The following NLGN1 variants were observed in gnomAD, a reference collection of about 807,000 sequenced individuals.
NLGN1 encodes neuroligin-1.
Under a neutral mutation model 65.5 loss-of-function variants are expected in NLGN1, and 12 were observed. The ratio of observed to expected loss-of-function variants is 0.18; its 90% CI spans 0.12 to 0.30. NLGN1 has a LOEUF of 0.30. NLGN1 is among the 10% of genes least tolerant of loss of function. The pLI is 1.00. For synonymous variants in NLGN1, 350 were observed against 359.5 expected (o/e 0.97, Z 0.30); for missense variants, 750 against 1,007.1 (o/e 0.74, Z 3.46).
chr3:173,851,183 A>C (rs1726857544), intron 4 of NLGN1, among the ~76,000 whole-genome samples: 1 of 152,192 alleles, frequency 6.6e-6, no homozygotes, highest in South Asian at 2.1e-4. Context: ...AGTTTGCACA[A>C]GCTGATTTTT....
At chr3:173,485,956 GT>G (rs1212388262) in intron 2 of NLGN1, among the ~76,000 whole-genome samples, 2 of 151,872 alleles carry the variant, frequency 1.3e-5, no homozygotes, top group Non-Finnish European at 2.9e-5. Context: ...TTTTTTGTTT[GT>G]TTTTTAACCT....
In NLGN1 at chr3:173,950,106, TTTTC is replaced by T. The variant is rs140657815; in HGVS notation, c.646+142278_646+142281del. ...ATAAAAAATTTGGTAAAATTATTGT[TTTTC>T]TTTATTATCTATAAATGCTTCAAAG... On this transcript the variant is annotated intron_variant, in intron 4 of 6. Coordinates refer to ENST00000457714, the Ensembl canonical transcript of NLGN1. 1.6e-4 allele frequency among the ~76,000 whole-genome samples: 24 copies of T among 152,318 alleles called. No individual in the cohort carries two copies. The East Asian group carries it at 4.6e-3, about 29-fold the overall frequency.
rs28660609 is a variant in NLGN1 at position 173,676,295 on chromosome 3, G to A, written c.493+71204G>A. Reference sequence around the variant, plus strand: ...TTAGCAGTCTGGCAGGCAGATCAACGGGACTGGAGGTCAACAGGGCCAGAT... The same window carrying A: ...TTAGCAGTCTGGCAGGCAGATCAACAGGACTGGAGGTCAACAGGGCCAGAT... On this transcript the variant is annotated intron_variant, in intron 3 of 6. Transcript: ENST00000457714. 4.5e-3 allele frequency among the ~76,000 whole-genome samples: 688 copies of A among 152,140 alleles called. 8 individuals are homozygous for A. The highest frequency in any genetic ancestry group is 0.016 in the African/African-American group (663 of 41,526).
intron 4 of NLGN1, among the ~76,000 whole-genome samples, chr3:174,266,046 A>ATT (rs57391307): frequency 0.012 from 1,752 of 145,432 alleles, 47 homozygotes; most frequent in African/African-American, 0.042. Flanking sequence ...ATATATATAT[A>ATT]TTTTTTTTTT....
chr3:174,257,446 T>C (rs1746004886), intron 4 of NLGN1, among the ~76,000 whole-genome samples: 1 of 152,094 alleles, frequency 6.6e-6, no homozygotes, highest in South Asian at 2.1e-4. Context: ...ATTATAAAGG[T>C]ACATGCACAC....
chr3:174,194,494 T>G lies in NLGN1; in HGVS notation c.647-80821T>G, dbSNP rs140983745. Among the ~76,000 whole-genome samples the G allele has an allele frequency of 1.9e-3, 291 of 151,968 alleles. 1 individual carries two copies. In the Middle Eastern group the frequency reaches 0.024, roughly 12 times the overall value. Reference sequence around the variant, plus strand: ...AAAAAAGAAACAATCTCCATCATTCTTTTGTGACATAATCCACCTATATAC... The same window carrying G: ...AAAAAAGAAACAATCTCCATCATTCGTTTGTGACATAATCCACCTATATAC... On this transcript the variant is annotated intron_variant, in intron 4 of 6. Coordinates refer to ENST00000457714, the Ensembl canonical transcript of NLGN1.
At chr3:174,288,346 AG>A (rs1047506177), downstream of NLGN1, among the ~76,000 whole-genome samples, 7 of 151,532 alleles carry the variant, frequency 4.6e-5, no homozygotes, top group African/African-American at 1.7e-4. Flanking sequence ...CATCTGATCC[AG>A]CCCCATAAGT....
At chr3:173,895,591 C>T (rs1203768758) in intron 4 of NLGN1, among the ~76,000 whole-genome samples, 1 of 152,116 alleles carries the variant, frequency 6.6e-6, no homozygotes, top group Non-Finnish European at 1.5e-5. Context: ...CCAGAAAGAC[C>T]AGAGACCAGT....
chr3:174,179,312 A>G (rs9878356), intron 4 of NLGN1, among the ~76,000 whole-genome samples: 19,753 of 152,148 alleles, frequency 0.13, 2,480 homozygotes, highest in African/African-American at 0.33. Flanking sequence ...AGAAATATTT[A>G]GAAATGTAAG....
chr3:173,558,648 A>T (rs1742129277), intron 2 of NLGN1, among the ~76,000 whole-genome samples: 1 of 152,054 alleles, frequency 6.6e-6, no homozygotes, highest in African/African-American at 2.4e-5. Flanking sequence ...CTCTTTTGAA[A>T]CAGAAAATCT....
At chr3:173,553,045 A>T (rs1741140631) in intron 2 of NLGN1, among the ~76,000 whole-genome samples, 1 of 152,182 alleles carries the variant, frequency 6.6e-6, no homozygotes, top group Non-Finnish European at 1.5e-5. Flanking sequence ...ATTCTCAGGT[A>T]ATTCAGTGCA....
chr3:173,747,200 TATATATATCTTTAAGTATATATATTTAA>T (rs1775562031), intron 3 of NLGN1, among the ~76,000 whole-genome samples: 1 of 138,434 alleles, frequency 7.2e-6, no homozygotes, highest in African/African-American at 2.8e-5. Context: ...ATATATATAA[TATATATATCTTTAAGTATATATATTTAA>T]ATATATATAT....
intron 4 of NLGN1, among the ~76,000 whole-genome samples, chr3:174,218,847 T>A (rs1738123229): frequency 1.3e-5 from 2 of 152,004 alleles, no homozygotes; most frequent in African/African-American, 2.4e-5. Context: ...AGTAGCCCAT[T>A]TTCTATTGTT....
At chr3:173,510,114 G>A (rs60405221) in intron 2 of NLGN1, among the ~76,000 whole-genome samples, 1,969 of 152,244 alleles carry the variant, frequency 0.013, 39 homozygotes, top group African/African-American at 0.045. Flanking sequence ...ATGTAAGGTG[G>A]ATTTAAATAT....
At chr3:173,999,199 C>A (rs1722827379) in intron 4 of NLGN1, among the ~76,000 whole-genome samples, 1 of 152,064 alleles carries the variant, frequency 6.6e-6, no homozygotes, top group African/African-American at 2.4e-5. Flanking sequence ...GAATAAAAGT[C>A]TCATCCATTT....
chr3:173,571,059 A>G (rs1260854778), intron 2 of NLGN1, among the ~76,000 whole-genome samples: 1 of 152,178 alleles, frequency 6.6e-6, no homozygotes, highest in Non-Finnish European at 1.5e-5. Context: ...GAAAGCCACA[A>G]GACTAAGTTA....
Position 174,116,342 on chromosome 3 carries a change from T to C in NLGN1, c.647-158973T>C, listed in dbSNP as rs1226823716. On this transcript the variant is annotated intron_variant, in intron 4 of 6. Transcript: ENST00000457714. ...TTTTCTGGGTTTTCTTTTTTTTTTT[T>C]TTTTTTTTTTTTTTTGAGACAGTCT... 5.8e-5 allele frequency among the ~76,000 whole-genome samples: 8 copies of C among 138,134 alleles called. 1 individual carries two copies. The East Asian group carries it at 1.2e-3, about 21-fold the overall frequency. The allele number at this position is 138,134 out of a possible 152,430, so 90.6% of individuals were successfully genotyped here.
intron 1 of NLGN1, among the ~76,000 whole-genome samples, chr3:173,400,817 A>G (rs1429785879): frequency 6.6e-6 from 1 of 152,270 alleles, no homozygotes; most frequent in East Asian, 1.9e-4. Context: ...CATAGAGTCT[A>G]CCATAAATGA....
intron 4 of NLGN1, among the ~76,000 whole-genome samples, chr3:174,030,126 T>A (rs1729665207): frequency 6.8e-6 from 1 of 147,980 alleles, no homozygotes; most frequent in Admixed American, 6.7e-5. Context: ...AGTTAGCTTT[T>A]TTTTTTTTTT....
Sources: allele counts gnomAD v4.1 joint callset (sites outside exome capture counted in the v4.1 genomes callset), GRCh38; gene constraint gnomAD v4.1.1; transcripts MANE v1.5; gene names NCBI Gene and HGNC (gene_info 2026-07-23, HGNC 2026-07-21).